PAFAH1B2: variants seen among roughly 807,000 people sequenced by gnomAD.
PAFAH1B2 encodes the protein platelet-activating factor acetylhydrolase IB subunit alpha2.
Under a neutral mutation model 28.0 loss-of-function variants are expected in PAFAH1B2, and 8 were observed. The observed-to-expected ratio is 0.29, with a 90% CI of 0.17 to 0.52. The LOEUF (loss-of-function observed/expected upper bound fraction) is 0.52. Ranked by LOEUF, PAFAH1B2 falls within the 20% of genes least tolerant of loss-of-function variation. The probability of loss-of-function intolerance (pLI) is 0.97; values close to 1 mark genes in which losing one functional copy is unlikely to be tolerated. For missense variants in PAFAH1B2, 190 were observed against 282.6 expected (o/e 0.67, Z 2.35); for synonymous variants, 104 against 103.2 (o/e 1.01, Z -0.05).
intron 2 of PAFAH1B2, among the ~76,000 whole-genome samples, chr11:117,156,915 C>T (rs1425329425): frequency 6.6e-6 from 1 of 151,774 alleles, no homozygotes; most frequent in Non-Finnish European, 1.5e-5. Context: ...CAGGGAGGAT[C>T]ACGTAAGCCC....
At chr11:117,157,496 C>CTA (rs879725487) in intron 2 of PAFAH1B2, among the ~76,000 whole-genome samples, 1 of 152,114 alleles carries the variant, frequency 6.6e-6, no homozygotes, top group African/African-American at 2.4e-5. Context: ...TGTCACTTTA[C>CTA]ACTTCACCTG....
At chr11:117,175,085 C>T (rs769776158), downstream of PAFAH1B2, 47 of 1,276,470 alleles carry the variant, frequency 3.7e-5, no homozygotes, top group Admixed American at 3.2e-4. Context: ...ATTCAACACT[C>T]AGGCTCAGGA....
At chr11:117,157,974 C>T (rs1956289010) in intron 2 of PAFAH1B2, among the ~76,000 whole-genome samples, 1 of 151,916 alleles carries the variant, frequency 6.6e-6, no homozygotes, top group African/African-American at 2.4e-5. Context: ...CCCATCTCTA[C>T]TAAAAATACA....
chr11:117,144,682 C>T (rs1374239289), intron 1 of PAFAH1B2, among the ~76,000 whole-genome samples: 1 of 152,132 alleles, frequency 6.6e-6, no homozygotes, highest in Non-Finnish European at 1.5e-5. Flanking sequence ...TGGCGTTTCT[C>T]CTCAGCCGCC....
intron 3 of PAFAH1B2, 106 bp from the exon 4 acceptor site, chr11:117,161,039 C>T (rs1956359563): frequency 2.7e-6 from 2 of 745,616 alleles, no homozygotes; most frequent in South Asian, 3.1e-5. Flanking sequence ...ACAGTGTTAT[C>T]TTTGAATACA....
Position 117,167,495 on chromosome 11 carries a change from T to G in PAFAH1B2, c.486T>G (p.Val162=), listed in dbSNP as rs1463444694. 2 of 1,611,862 alleles carry G rather than the reference T, an allele frequency of 1.2e-6. No homozygotes were observed. The highest frequency in any genetic ancestry group is 1.7e-6 in the Non-Finnish European group (2 of 1,178,640). Residue 162 remains valine (V), a synonymous_variant, in exon 6 of 6, where the codon GTT becomes GTG. Transcript: ENST00000527958. ...CCAAGGTGAACCAACTCCTCAAGGTTTCGCTGCCGAAGCTTGCCAACGTGC... is the reference window on the plus strand; with the variant it reads ...CCAAGGTGAACCAACTCCTCAAGGTGTCGCTGCCGAAGCTTGCCAACGTGC... The part of the protein sequence containing the change: ...KNAKVNQLLK[V]SLPKLANVQL...
chr11:117,174,776 C>T (rs1956744107), downstream of PAFAH1B2: 2 of 586,674 alleles, frequency 3.4e-6, no homozygotes, highest in Non-Finnish European at 2.8e-6. Context: ...CTGCACCTGA[C>T]CTAATTTTCT....
chr11:117,172,379 TATATATATATATATATA>T (rs1956679354), downstream of PAFAH1B2, among the ~76,000 whole-genome samples: 12 of 3,356 alleles, frequency 3.6e-3, no homozygotes, highest in South Asian at 8.8e-3. Flanking sequence ...TATATATATA[TATATATATATATATATA>T]TATATATATT....
chr11:117,150,601 A>G (rs1404908006), intron 1 of PAFAH1B2, among the ~76,000 whole-genome samples: 1 of 152,058 alleles, frequency 6.6e-6, no homozygotes, highest in Non-Finnish European at 1.5e-5. Flanking sequence ...GGGGCTTGGT[A>G]CTTGGTGATT....
At chr11:117,175,261 CT>C, downstream of PAFAH1B2, 3 of 1,081,510 alleles carry the variant, frequency 2.8e-6, no homozygotes, top group Non-Finnish European at 3.4e-6. Flanking sequence ...GACATCTCCC[CT>C]GTGTGCTCAC....
chr11:117,169,125 T>A lies in PAFAH1B2; in HGVS notation c.*1426T>A. On this transcript the variant is annotated 3_prime_UTR_variant, in exon 6 of 6. Coordinates refer to ENST00000527958, the MANE Select transcript of PAFAH1B2 (RefSeq NM_002572.4). ...TAGTTTTTAAATTATCCTCCAAAAA[T>A]TTTGGGCCTTTTTCTGTGGGGAAAC... 1 of 1,022,836 alleles carries A rather than the reference T, an allele frequency of 9.8e-7. No individual in the cohort carries two copies. Among genetic ancestry groups the A allele is most frequent in the Non-Finnish European group, 1.2e-6 (1 of 852,268 alleles). The allele number at this position is 1,022,836 out of a possible 1,614,324, so 63.4% of individuals were successfully genotyped here.
intron 2 of PAFAH1B2, among the ~76,000 whole-genome samples, chr11:117,158,731 G>A (rs992781657): frequency 7.0e-6 from 1 of 142,910 alleles, no homozygotes; most frequent in African/African-American, 2.6e-5. Context: ...TGCAACCTCC[G>A]TCTCCCAGGT....
In PAFAH1B2 at chr11:117,168,446, G is replaced by GTTTTTTTTTTTTTTTTTT. The variant is rs71469127; in HGVS notation, c.*755_*772dup. The GTTTTTTTTTTTTTTTTTT allele has an allele frequency of 1.1e-4, 25 of 235,946 alleles. No individual in the cohort carries two copies. The highest frequency in any genetic ancestry group is 4.4e-4 in the African/African-American group (5 of 11,358). 14.6% of individuals were successfully genotyped at this position (235,946 alleles called of 1,614,324 possible). On this transcript the variant is annotated 3_prime_UTR_variant, in exon 6 of 6. Transcript: ENST00000527958. ...TCCCCTTCATTCCCCCCGCCACCCC[G>GTTTTTTTTTTTTTTTTTT]TTTTTTTTTTTTTTTTTTTTTTTTT... is the stretch of plus-strand genomic sequence containing the variant.
intron 5 of PAFAH1B2, among the ~76,000 whole-genome samples, chr11:117,164,513 T>C (rs1210563847): frequency 6.6e-6 from 1 of 152,244 alleles, no homozygotes. Context: ...CTGAGTCTTT[T>C]TATTAGACCT....
chr11:117,165,730 C>G (rs1325426259), intron 5 of PAFAH1B2, among the ~76,000 whole-genome samples: 5 of 151,838 alleles, frequency 3.3e-5, no homozygotes. Context: ...GAGAATTGAG[C>G]AAAGGCTTGT....
chr11:117,173,497 C>CT (rs1046052992), downstream of PAFAH1B2, among the ~76,000 whole-genome samples: 23 of 151,904 alleles, frequency 1.5e-4, no homozygotes, highest in Admixed American at 1.1e-3. Context: ...CACTGTAGAA[C>CT]TTTTTTTTTC....
chr11:117,164,965 T>TC (rs1956469480), intron 5 of PAFAH1B2, among the ~76,000 whole-genome samples: 1 of 149,370 alleles, frequency 6.7e-6, no homozygotes. Context: ...TTTCTTTTTT[T>TC]TTTTTTTTGA....
Position 117,168,134 on chromosome 11 carries a change from A to AT in PAFAH1B2, c.*438dup. On this transcript the variant is annotated 3_prime_UTR_variant, in exon 6 of 6. Transcript: ENST00000527958. ...TTCTCCAATTTTTTTAAGGTTCATA[A>AT]TTTAGCCTTTTGTTTTTATGTTGCT... The AT allele has an allele frequency of 2.8e-6, 3 of 1,052,728 alleles. No individual in the cohort carries two copies. The highest frequency in any genetic ancestry group is 3.4e-6 in the Non-Finnish European group (3 of 870,034). The allele number at this position is 1,052,728 out of a possible 1,614,324, so 65.2% of individuals were successfully genotyped here.
chr11:117,156,963 G>A (rs1220788853), intron 2 of PAFAH1B2, among the ~76,000 whole-genome samples: 2 of 151,260 alleles, frequency 1.3e-5, no homozygotes, highest in Non-Finnish European at 2.9e-5. Flanking sequence ...GCTGCAGTGA[G>A]CTGCCCCTCA....
Sources: gnomAD v4.1 joint callset for allele counts (sites outside exome capture counted in the v4.1 genomes callset) on GRCh38, gnomAD v4.1.1 for gene constraint, MANE v1.5 for transcripts, NCBI Gene and HGNC (gene_info 2026-07-23, HGNC 2026-07-21) for gene names.